Variants in ICA1 observed in about 807,000 individuals in gnomAD.
ICA1 encodes the protein islet cell autoantigen 1.
In ICA1, 40 loss-of-function variants were observed where a neutral mutation model predicts 71.0. The ratio of observed to expected loss-of-function variants is 0.56; its 90% CI spans 0.44 to 0.73. The LOEUF (loss-of-function observed/expected upper bound fraction) is 0.73. Ranked by LOEUF, ICA1 falls within the 30% of genes least tolerant of loss-of-function variation. ICA1 has a pLI of 0.00. For missense variants in ICA1, 578 were observed against 576.5 expected, an observed-to-expected ratio of 1.00 and a Z score of -0.03; for synonymous variants, 207 against 209.5, an observed-to-expected ratio of 0.99 and a Z score of 0.10.
At chr7:8,155,783 C>T (rs1012523919) in intron 8 of ICA1, among the ~76,000 whole-genome samples, 1 of 152,096 alleles carries the variant, frequency 6.6e-6, no homozygotes, top group South Asian at 2.1e-4. Context: ...AACCAATCTG[C>T]CTTGGTCAGA....
chr7:8,156,939 AAAAAAAAAAAAAAAAG>A (rs760221561), intron 8 of ICA1, 161 bp downstream of exon 8: 13 of 272,308 alleles, frequency 4.8e-5, no homozygotes, highest in Middle Eastern at 1.5e-3. Context: ...TAAAAAAAAA[AAAAAAAAAAAAAAAAG>A]AAAGAAAGAA....
At chr7:8,178,338 A>G (rs1490036145) in intron 6 of ICA1, among the ~76,000 whole-genome samples, 2 of 152,148 alleles carry the variant, frequency 1.3e-5, no homozygotes, top group African/African-American at 4.8e-5. Flanking sequence ...ACCTCACAAG[A>G]CACTTATCAC....
chr7:8,228,666 T>A lies in ICA1; in HGVS notation c.191A>T (p.His64Leu). Residue 64 changes from histidine to leucine, a missense_variant, in exon 4 of 14, where the codon CAT (histidine) becomes CTT (leucine). Physicochemically the swap from His to Leu is moderately conservative, Grantham distance 99. Transcript: ENST00000402384. ...ADLDAKLELF[H>L]SIQRTCLDLS... ...GTCCAGACAGGTTCTCTGAATTGAA[T>A]GAAACAGCTGTAATAAAAATACAAA... 2.5e-6 allele frequency: 4 copies of A among 1,595,444 alleles called. No homozygotes were observed. The highest frequency in any genetic ancestry group is 3.4e-6 in the Non-Finnish European group (4 of 1,169,832).
At chr7:8,140,642 G>T (rs1485101939) in intron 10 of ICA1, among the ~76,000 whole-genome samples, 1 of 152,228 alleles carries the variant, frequency 6.6e-6, no homozygotes, top group African/African-American at 2.4e-5. Context: ...CCAGAGCCCA[G>T]CGCCATGCCT....
intron 1 of ICA1, among the ~76,000 whole-genome samples, chr7:8,247,346 G>A (rs939506099): frequency 2.6e-5 from 4 of 152,086 alleles, no homozygotes; most frequent in Non-Finnish European, 5.9e-5. Context: ...TGTAGTCCCA[G>A]CTACTCAGGA....
intron 12 of ICA1, among the ~76,000 whole-genome samples, chr7:8,131,691 T>C (rs1791502410): frequency 6.6e-6 from 1 of 152,160 alleles, no homozygotes; most frequent in African/African-American, 2.4e-5. Context: ...TTATTACACA[T>C]AACACGTAAG....
At chr7:8,152,777 T>TATCACC (rs1352078872) in intron 8 of ICA1, among the ~76,000 whole-genome samples, 3 of 75,902 alleles carry the variant, frequency 4.0e-5, no homozygotes, top group Non-Finnish European at 6.0e-5. Flanking sequence ...CCCCCACCAC[T>TATCACC]ATCACCATCA....
chr7:8,220,409 C>T (rs181796192), intron 5 of ICA1, among the ~76,000 whole-genome samples: 136 of 152,260 alleles, frequency 8.9e-4, no homozygotes, highest in African/African-American at 3.1e-3. Flanking sequence ...GGGAAAGCAG[C>T]AAGGAGACAT....
intron 6 of ICA1, among the ~76,000 whole-genome samples, chr7:8,184,373 T>A (rs774694887): frequency 7.9e-5 from 12 of 152,226 alleles, no homozygotes; most frequent in Non-Finnish European, 1.6e-4. Flanking sequence ...TCCAGCTGTA[T>A]CTTTTATCAA....
chr7:8,158,543 A>G lies in ICA1; in HGVS notation c.689T>C (p.Met230Thr). 6.2e-7 allele frequency: 1 copy of G among 1,614,140 alleles called. No individual in the cohort carries two copies. Among genetic ancestry groups the G allele is most frequent in the South Asian group, 1.1e-5 (1 of 91,078 alleles). The change falls in exon 7 of 14, where the codon ATG becomes ACG. Residue 230 changes from methionine (M) to threonine (T), a missense_variant. Transcript: ENST00000402384. ...GASRCNLLSHMLATYQTTLLH... is the reference protein window; with the variant it reads ...GASRCNLLSHTLATYQTTLLH... ...TTTTGTTACCTGGTATGTTGCTAGC[A>G]TGTGAGACAAGAGATTGCATCTGCT... is the stretch of plus-strand genomic sequence containing the variant.
chr7:8,114,145 TTCAA>T lies in ICA1; in HGVS notation c.1331-105_1331-102del. On this transcript the variant is annotated intron_variant, in intron 13 of 13. Coordinates refer to ENST00000402384, the MANE Select transcript of ICA1 (RefSeq NM_001136020.3). ...CCAGGTCATCTTCAAATGCAGATTG[TTCAA>T]TCAGACAAATCCCTTTGCACTCTCT... 3.1e-6 allele frequency: 4 copies of T among 1,291,858 alleles called. No homozygotes were observed. In the Admixed American group the frequency reaches 7.0e-5, roughly 22 times the overall value. 80.0% of individuals were successfully genotyped at this position (1,291,858 alleles called of 1,614,324 possible).
At chr7:8,170,313 T>C (rs542225227) in intron 6 of ICA1, among the ~76,000 whole-genome samples, 1 of 152,198 alleles carries the variant, frequency 6.6e-6, no homozygotes, top group South Asian at 2.1e-4. Context: ...GAAATTGTTT[T>C]GCCCATTCCA....
rs765127200 is a variant in ICA1, at chr7:8,138,957, T to G, written c.1018+28A>C. On this transcript the variant is annotated intron_variant, in intron 11 of 13. Transcript: ENST00000402384. ...AGGAGTTTGAGTCAAATAATTAAAA[T>G]TGAGTAGTTTTCCTTAATCTAGGTT... 8 of 1,603,954 alleles carry G rather than the reference T, an allele frequency of 5.0e-6. No individual in the cohort carries two copies. The East Asian group carries it at 8.9e-5, about 18-fold the overall frequency.
intron 6 of ICA1, among the ~76,000 whole-genome samples, chr7:8,170,497 T>C (rs917270123): frequency 3.3e-5 from 5 of 151,998 alleles, no homozygotes; most frequent in African/African-American, 9.7e-5. Context: ...GATTTTTAAA[T>C]TGTCTTGGCA....
chr7:8,237,819 G>C (rs10259344), intron 1 of ICA1, among the ~76,000 whole-genome samples: 8,520 of 142,082 alleles, frequency 0.06, 459 homozygotes, highest in African/African-American at 0.16. Context: ...GTTGAAGACA[G>C]ACACACACAC....
chr7:8,155,783 C>A (rs1012523919), intron 8 of ICA1, among the ~76,000 whole-genome samples: 1 of 152,096 alleles, frequency 6.6e-6, no homozygotes, highest in Non-Finnish European at 1.5e-5. Context: ...AACCAATCTG[C>A]CTTGGTCAGA....
chr7:8,137,140 G>A (rs1431510668), intron 12 of ICA1, among the ~76,000 whole-genome samples: 1 of 151,704 alleles, frequency 6.6e-6, no homozygotes, highest in Non-Finnish European at 1.5e-5. Context: ...ACTGGGGGAT[G>A]GAAGTATTAG....
chr7:8,196,673 G>T (rs1420623150), intron 6 of ICA1, among the ~76,000 whole-genome samples: 1 of 152,040 alleles, frequency 6.6e-6, no homozygotes, highest in Admixed American at 6.6e-5. Context: ...TTTCAATTTT[G>T]CTGGGAAGCT....
intron 6 of ICA1, among the ~76,000 whole-genome samples, chr7:8,214,065 T>G (rs997964273): frequency 1.3e-5 from 2 of 152,230 alleles, no homozygotes; most frequent in African/African-American, 4.8e-5. Flanking sequence ...CCGCTTGTCC[T>G]TGTCTATGAG....
Sources: gnomAD v4.1 joint callset for allele counts (sites outside exome capture counted in the v4.1 genomes callset) on GRCh38, gnomAD v4.1.1 for gene constraint, MANE v1.5 for transcripts, NCBI Gene and HGNC (gene_info 2026-07-23, HGNC 2026-07-21) for gene names.